NLRP3: variants seen among roughly 807,000 people sequenced by gnomAD.
NLRP3 encodes NACHT, LRR and PYD domains-containing protein 3.
NLRP3 carries 48 observed loss-of-function variants against 91.3 expected under a neutral mutation model. The ratio of observed to expected loss-of-function variants is 0.53; its 90% confidence interval spans 0.42 to 0.67. NLRP3 has a LOEUF of 0.67. Ranked by LOEUF, NLRP3 falls within the 30% of genes least tolerant of loss-of-function variation. The pLI is 0.00. For missense variants in NLRP3, 982 were observed against 1,276.9 expected, an observed-to-expected ratio of 0.77 and a Z score of 3.52; for synonymous variants, 561 against 507.9, an observed-to-expected ratio of 1.10 and a Z score of -1.41.
At chr1:247,421,779 G>A (rs943227119) in intron 2 of NLRP3, among the ~76,000 whole-genome samples, 2 of 152,318 alleles carry the variant, frequency 1.3e-5, no homozygotes, top group African/African-American at 4.8e-5. Flanking sequence ...AGGCAGAAAA[G>A]TTATAACTAG....
At chr1:247,426,193 G>GA (rs34953882) in intron 4 of NLRP3, among the ~76,000 whole-genome samples, 1 of 151,914 alleles carries the variant, frequency 6.6e-6, no homozygotes, top group Non-Finnish European at 1.5e-5. Context: ...AGTTTCCTTG[G>GA]AAAAAAACAT....
Position 247,424,014 on chromosome 1 carries a change from G to A in NLRP3, c.565G>A (p.Gly189Ser), listed in dbSNP as rs201877163. The A allele has an allele frequency of 5.6e-6, 9 of 1,613,888 alleles. No homozygotes were observed. The highest frequency in any genetic ancestry group is 2.2e-5 in the East Asian group (1 of 44,868). ...GAGGGAGCAGGAGCTTCTGGCCATC[G>A]GCAAGACCAAGACGTGTGAGAGCCC... is the stretch of plus-strand genomic sequence containing the variant. Reference protein sequence around the residue: ...QEREQELLAIGKTKTCESPVS... With the variant: ...QEREQELLAISKTKTCESPVS... The change falls in exon 4 of 10, where the codon GGC (glycine) becomes AGC (serine). Residue 189 changes from glycine to serine, a missense_variant. By Grantham distance (56) the Gly-to-Ser change is moderately conservative. Transcript: ENST00000336119. The surrounding 1 kb of genome is among the most constrained non-coding windows in gnomAD (Gnocchi z 8.1).
In NLRP3 at chr1:247,425,844, C is replaced by A. The variant is rs1662836500; in HGVS notation, c.2150+245C>A. 4 of 541,236 alleles carry A rather than the reference C, an allele frequency of 7.4e-6. No homozygotes were observed. The highest frequency in any genetic ancestry group is 1.0e-5 in the Non-Finnish European group (3 of 300,722). The allele number at this position is 541,236 out of a possible 1,614,324, so 33.5% of individuals were successfully genotyped here. A position where few individuals can be genotyped will look rare whatever the true frequency, so the allele number is the denominator to read the frequency against. On this transcript the variant is annotated intron_variant, in intron 4 of 9. Coordinates refer to ENST00000336119, the MANE Select transcript of NLRP3 (RefSeq NM_001243133.2). This position sits in a 1 kb window ranked among gnomAD's most constrained non-coding sequence, Gnocchi z 4.1. The stretch of plus-strand genomic sequence containing the variant: ...ATGTTTGGGGAATGCCAGTTTAGCA[C>A]AAGGTATTAAGTAGGATGTAGGATT...
chr1:247,423,148 C>A, intron 2 of NLRP3, 82 bp from the exon 3 acceptor site: 1 of 1,593,006 alleles, frequency 6.3e-7, no homozygotes, highest in Non-Finnish European at 8.6e-7. Context: ...TCTCCTCTCT[C>A]ATGCCAAATA....
At chr1:247,437,910 G>A (rs1663911699) in intron 7 of NLRP3, among the ~76,000 whole-genome samples, 1 of 152,234 alleles carries the variant, frequency 6.6e-6, no homozygotes, top group African/African-American at 2.4e-5. Flanking sequence ...AAAGCAGATG[G>A]AACCGAAGAG....
chr1:247,441,781 C>T (rs1248899822), intron 7 of NLRP3, among the ~76,000 whole-genome samples: 1 of 152,164 alleles, frequency 6.6e-6, no homozygotes, highest in African/African-American at 2.4e-5. Flanking sequence ...TAGTTACCAG[C>T]ATTTTCACAA....
At chr1:247,437,311 C>A (rs1301132060) in intron 7 of NLRP3, among the ~76,000 whole-genome samples, 1 of 152,132 alleles carries the variant, frequency 6.6e-6, no homozygotes, top group Admixed American at 6.5e-5. Context: ...AATATATATA[C>A]CAGCCAGATC....
chr1:247,448,265 CCT>C (rs869301376), intron 9 of NLRP3, 138 bp from the exon 10 acceptor site: 1 of 608,002 alleles, frequency 1.6e-6, no homozygotes, highest in Non-Finnish European at 2.9e-6. Flanking sequence ...AGTTGTGGTC[CCT>C]CTTTTTTTTT....
chr1:247,418,565 G>C lies in NLRP3; in HGVS notation c.-236G>C. ...GATCTGCCTGCCTTGGCCTCTCAAAGTGCTGGGATTACAGGCGTGAGCCAC... is the reference window on the plus strand; with the variant it reads ...GATCTGCCTGCCTTGGCCTCTCAAACTGCTGGGATTACAGGCGTGAGCCAC... On this transcript the variant is annotated 5_prime_UTR_variant, in exon 2 of 10. Coordinates refer to ENST00000336119, the MANE Select transcript of NLRP3 (RefSeq NM_001243133.2). The C allele has an allele frequency of 3.8e-6, 2 of 524,568 alleles. No homozygotes were observed. Among genetic ancestry groups the C allele is most frequent in the Non-Finnish European group, 6.8e-6 (2 of 292,232 alleles). 32.5% of individuals were successfully genotyped at this position (524,568 alleles called of 1,614,324 possible).
intron 7 of NLRP3, among the ~76,000 whole-genome samples, 158 bp downstream of exon 7, chr1:247,436,298 G>A (rs1375772778): frequency 6.6e-6 from 1 of 152,158 alleles, no homozygotes; most frequent in African/African-American, 2.4e-5. Flanking sequence ...GGCATATAAT[G>A]TATACTGCTG....
At chr1:247,431,724 G>T (rs1169956367) in intron 5 of NLRP3, among the ~76,000 whole-genome samples, 1 of 152,124 alleles carries the variant, frequency 6.6e-6, no homozygotes, top group Non-Finnish European at 1.5e-5. Context: ...AAAGTAAGAT[G>T]GTCCTTTAGA....
At chr1:247,441,381 C>T (rs1664232334) in intron 7 of NLRP3, among the ~76,000 whole-genome samples, 1 of 151,998 alleles carries the variant, frequency 6.6e-6, no homozygotes, top group South Asian at 2.1e-4. Context: ...GCTAGGACTA[C>T]AGGTGTGTAC....
rs201504984 is a variant in NLRP3 at position 247,424,350 on chromosome 1, G to A, written c.901G>A (p.Gly301Ser). 5 of 1,613,734 alleles carry A rather than the reference G, an allele frequency of 3.1e-6. No individual in the cohort carries two copies. Among genetic ancestry groups the A allele is most frequent in the Non-Finnish European group, 3.4e-6 (4 of 1,179,980 alleles). The change falls in exon 4 of 10, where the codon GGC (glycine) becomes AGC (serine). Residue 301 changes from glycine to serine, a missense_variant. Around this residue, in one of 5 missense-constraint regions of NLRP3, gnomAD observed 548 missense variants for 713.7 expected, o/e 0.77. Transcript: ENST00000336119. This position sits in a 1 kb window ranked among gnomAD's most constrained non-coding sequence, Gnocchi z 8.1. ...CTCCAGAATCCTCTTCCTCATGGAC[G>A]GCTTCGATGAGCTGCAAGGTGCCTT... Reference protein sequence around the residue: ...KPSRILFLMDGFDELQGAFDE... With the variant: ...KPSRILFLMDSFDELQGAFDE...
At chr1:247,427,833 A>G (rs1663012862) in intron 4 of NLRP3, among the ~76,000 whole-genome samples, 1 of 38,108 alleles carries the variant, frequency 2.6e-5, no homozygotes, top group East Asian at 1.5e-3. Context: ...ACAGACTCTG[A>G]TTGGAGCCCT....
In NLRP3 at chr1:247,448,493, C is replaced by A. The variant is rs1298618908; in HGVS notation, c.3094C>A (p.Pro1032Thr). 3.7e-6 allele frequency: 6 copies of A among 1,610,446 alleles called. No individual in the cohort carries two copies. The highest frequency in any genetic ancestry group is 4.2e-6 in the Non-Finnish European group (5 of 1,176,812). Residue 1032 changes from proline (P) to threonine (T), a missense_variant, in exon 10 of 10, where the codon CCT becomes ACT. By Grantham distance (38) the Pro-to-Thr change is conservative (BLOSUM62 -1). This residue lies in a region of NLRP3 where 29 missense variants were observed against 55.3 expected (regional missense o/e 0.52). Transcript: ENST00000336119. ...GCCTGAGCTGACCGTCGTCTTTGAGCCTTCTTGGTAGGAGTGGAAACGGGG... is the reference window on the plus strand; with the variant it reads ...GCCTGAGCTGACCGTCGTCTTTGAGACTTCTTGGTAGGAGTGGAAACGGGG... ...EKPELTVVFEPSW is the reference protein window; with the variant it reads ...EKPELTVVFETSW
chr1:247,436,527 T>A (rs1663802310), intron 7 of NLRP3, among the ~76,000 whole-genome samples: 1 of 152,128 alleles, frequency 6.6e-6, no homozygotes, highest in South Asian at 2.1e-4. Flanking sequence ...GCTCTCACCC[T>A]GCAGCCTCTA....
In NLRP3 at chr1:247,424,853, C is replaced by T. The variant is rs1335426533; in HGVS notation, c.1404C>T (p.Cys468=). 1.2e-6 allele frequency: 2 copies of T among 1,608,276 alleles called. No homozygotes were observed. Among genetic ancestry groups the T allele is most frequent in the Non-Finnish European group, 8.5e-7 (1 of 1,179,988 alleles). The change falls in exon 4 of 10, where the codon TGC becomes TGT. Residue 468 remains cysteine, a synonymous_variant. Coordinates refer to ENST00000336119, the MANE Select transcript of NLRP3 (RefSeq NM_001243133.2). This position sits in a 1 kb window ranked among gnomAD's most constrained non-coding sequence, Gnocchi z 8.1. ...TCTGCGCCCACCTCTGGGGGCTCTG[C>T]TCTTTGGCTGCAGATGGAATCTGGA... The part of the protein sequence containing the change: ...HGLCAHLWGL[C]SLAADGIWNQ...
At chr1:247,438,362 C>T (rs957725356) in intron 7 of NLRP3, among the ~76,000 whole-genome samples, 1 of 148,188 alleles carries the variant, frequency 6.7e-6, no homozygotes, top group Non-Finnish European at 1.5e-5. Flanking sequence ...GGGGATTTCA[C>T]GACTGGTTTA....
intron 6 of NLRP3, 25 bp downstream of exon 6, chr1:247,434,298 G>A (rs1176484821): frequency 1.9e-6 from 3 of 1,613,850 alleles, no homozygotes; most frequent in African/African-American, 1.3e-5. Flanking sequence ...TTCCCCTAAG[G>A]AAGTTCTGCC....
Sources: allele counts gnomAD v4.1 joint callset (sites outside exome capture counted in the v4.1 genomes callset), GRCh38; gene constraint gnomAD v4.1.1; regional missense constraint gnomAD v4.1.1; non-coding constraint Gnocchi (gnomAD v3.1); transcripts MANE v1.5; gene names NCBI Gene and HGNC (gene_info 2026-07-23, HGNC 2026-07-21).